The following GRID1 variants were observed in gnomAD, a reference collection of about 807,000 sequenced individuals.
GRID1 encodes glutamate ionotropic receptor delta type subunit 1.
GRID1 carries 28 observed loss-of-function variants against 98.0 expected under a neutral mutation model. The observed-to-expected ratio is 0.29, with a 90% CI of 0.21 to 0.39. GRID1 has a LOEUF of 0.39. GRID1 is among the 10% of genes least tolerant of loss of function. GRID1 has a pLI of 1.00. For synonymous variants in GRID1, 553 were observed against 538.5 expected, an observed-to-expected ratio of 1.03 and a Z score of -0.37; for missense variants, 1,111 against 1,340.5, an observed-to-expected ratio of 0.83 and a Z score of 2.67.
chr10:85,613,207 T>C (rs1050429665), intron 15 of GRID1, 200 bp downstream of exon 15: 3 of 623,820 alleles, frequency 4.8e-6, no homozygotes, highest in Non-Finnish European at 8.3e-6. Flanking sequence ...TGTTCAAGCA[T>C]GAAAACATCC....
chr10:85,781,783 AAG>A (rs1842383458), intron 8 of GRID1, among the ~76,000 whole-genome samples: 1 of 151,926 alleles, frequency 6.6e-6, no homozygotes, highest in African/African-American at 2.4e-5. Context: ...CCAATGAAGA[AAG>A]AGAGATATAT....
At chr10:85,727,086 T>TGGTGACATGTAAGATGC (rs1479216845) in intron 10 of GRID1, among the ~76,000 whole-genome samples, 7 of 152,280 alleles carry the variant, frequency 4.6e-5, no homozygotes, top group African/African-American at 1.7e-4. Flanking sequence ...GGGCTAGTGA[T>TGGTGACATGTAAGATGC]GGTGACATGT....
intron 4 of GRID1, among the ~76,000 whole-genome samples, chr10:86,063,963 C>T (rs1286061804): frequency 6.6e-6 from 1 of 152,002 alleles, no homozygotes; most frequent in Non-Finnish European, 1.5e-5. Flanking sequence ...TACTACCTGG[C>T]CCTTTAAAAA....
At chr10:85,760,537 C>A (rs1842137787) in intron 8 of GRID1, among the ~76,000 whole-genome samples, 1 of 152,194 alleles carries the variant, frequency 6.6e-6, no homozygotes, top group Admixed American at 6.5e-5. Context: ...TAAACTATAA[C>A]AACTCAACAG....
intron 2 of GRID1, among the ~76,000 whole-genome samples, chr10:86,338,094 A>C (rs1273723913): frequency 6.6e-6 from 1 of 151,988 alleles, no homozygotes; most frequent in Admixed American, 6.6e-5. Flanking sequence ...CTCCCTGATA[A>C]CACTGATTGG....
chr10:85,953,495 C>G (rs1355062054), intron 4 of GRID1, among the ~76,000 whole-genome samples: 1 of 152,160 alleles, frequency 6.6e-6, no homozygotes, highest in African/African-American at 2.4e-5. Flanking sequence ...GGAGTCAGCA[C>G]CCCTAACTTC....
chr10:86,013,699 T>G (rs1327620994), intron 4 of GRID1, among the ~76,000 whole-genome samples: 1 of 152,214 alleles, frequency 6.6e-6, no homozygotes, highest in Non-Finnish European at 1.5e-5. Context: ...CCATAAGAAT[T>G]TGACCGTCTG....
At chr10:86,301,157 G>A (rs1418951961) in intron 2 of GRID1, among the ~76,000 whole-genome samples, 1 of 152,162 alleles carries the variant, frequency 6.6e-6, no homozygotes, top group Admixed American at 6.5e-5. Context: ...GCAGAAAAGA[G>A]ACAATGAGGC....
intron 8 of GRID1, among the ~76,000 whole-genome samples, chr10:85,835,397 T>C (rs1159381009): frequency 6.6e-6 from 1 of 152,206 alleles, no homozygotes; most frequent in African/African-American, 2.4e-5. Context: ...GTGAAGATAA[T>C]TGAACGATGG....
chr10:86,344,256 C>T (rs568090371), intron 2 of GRID1, among the ~76,000 whole-genome samples: 1 of 152,348 alleles, frequency 6.6e-6, no homozygotes, highest in African/African-American at 2.4e-5. Flanking sequence ...TCTTCAGACT[C>T]TCAAAACAAT....
intron 8 of GRID1, among the ~76,000 whole-genome samples, chr10:85,775,368 G>A (rs931707477): frequency 2.0e-5 from 3 of 151,834 alleles, no homozygotes; most frequent in Non-Finnish European, 4.4e-5. Flanking sequence ...GGAGATATAC[G>A]TGATGCTAAA....
intron 2 of GRID1, chr10:86,264,766 G>A (rs1847078201): frequency 2.0e-6 from 1 of 493,868 alleles, no homozygotes; most frequent in Non-Finnish European, 4.2e-6. Context: ...CATGCGGGCA[G>A]ACAGACGCCC....
intron 4 of GRID1, among the ~76,000 whole-genome samples, chr10:86,072,051 G>A (rs1843812399): frequency 6.6e-6 from 1 of 152,194 alleles, no homozygotes; most frequent in South Asian, 2.1e-4. Flanking sequence ...AGAGGAAGAT[G>A]GGAGGAACCG....
chr10:86,017,359 A>G (rs1163757202), intron 4 of GRID1, among the ~76,000 whole-genome samples: 3 of 152,188 alleles, frequency 2.0e-5, no homozygotes, highest in Non-Finnish European at 4.4e-5. Flanking sequence ...CAGAATTTGA[A>G]TTGTCAAAGA....
chr10:85,708,957 T>A (rs1443278028), intron 12 of GRID1: 1 of 216,862 alleles, frequency 4.6e-6, no homozygotes, highest in East Asian at 1.5e-4. Flanking sequence ...CATTTGATTA[T>A]ATACCATATA....
intron 8 of GRID1, among the ~76,000 whole-genome samples, chr10:85,801,881 A>G (rs1364173926): frequency 6.6e-6 from 1 of 152,034 alleles, no homozygotes; most frequent in Non-Finnish European, 1.5e-5. Context: ...TATATAAAAC[A>G]AACAAAAATA....
At chr10:86,146,689 C>T (rs1845094101) in intron 3 of GRID1, among the ~76,000 whole-genome samples, 2 of 152,144 alleles carry the variant, frequency 1.3e-5, no homozygotes, top group African/African-American at 4.8e-5. Context: ...TGTCCTGGGC[C>T]AGGCCCTATG....
At chr10:85,851,651 T>C (rs900307546) in intron 8 of GRID1, among the ~76,000 whole-genome samples, 5 of 152,248 alleles carry the variant, frequency 3.3e-5, no homozygotes, top group African/African-American at 9.6e-5. Flanking sequence ...AACTGTTTTG[T>C]CTGTGTCTGG....
chr10:86,194,029 C>T (rs1283061426), intron 3 of GRID1, among the ~76,000 whole-genome samples: 1 of 152,108 alleles, frequency 6.6e-6, no homozygotes, highest in Admixed American at 6.6e-5. Flanking sequence ...AGCAAGATGG[C>T]ACCCAAGAAT....
Sources: allele counts gnomAD v4.1 joint callset (sites outside exome capture counted in the v4.1 genomes callset), GRCh38; gene constraint gnomAD v4.1.1; transcripts MANE v1.5; gene names NCBI Gene and HGNC (gene_info 2026-07-23, HGNC 2026-07-21).